The following ATRN variants were observed in gnomAD, a reference collection of about 807,000 sequenced individuals.
ATRN encodes attractin.
Under a neutral mutation model 178.7 loss-of-function variants are expected in ATRN, and 54 were observed. That is an observed-to-expected ratio of 0.30 (90% CI 0.24 to 0.38). The LOEUF is 0.38. ATRN is among the 10% of genes least tolerant of loss of function. The pLI, the probability that ATRN is intolerant of heterozygous loss-of-function variation, is 1.00. For synonymous variants in ATRN, 636 were observed against 663.0 expected (o/e 0.96, Z 0.63); for missense variants, 1,443 against 1,815.1 (o/e 0.79, Z 3.73).
chr20:3,539,766 C>CT (rs970931258), intron 2 of ATRN, among the ~76,000 whole-genome samples: 2 of 151,338 alleles, frequency 1.3e-5, no homozygotes, highest in African/African-American at 2.4e-5. Context: ...CCCCCTCCCA[C>CT]TTTTTTTTTC....
chr20:3,583,734 G>A (rs1453814412), intron 16 of ATRN, among the ~76,000 whole-genome samples, 164 bp from the exon 17 acceptor site: 2 of 152,132 alleles, frequency 1.3e-5, no homozygotes, highest in Non-Finnish European at 2.9e-5. Flanking sequence ...CTTGAACCGG[G>A]GAGGCGGAGG....
Position 3,582,137 on chromosome 20 carries a change from C to A in ATRN, c.2547C>A (p.Ser849=). The A allele has an allele frequency of 6.2e-7, 1 of 1,613,618 alleles. No homozygotes were observed. The highest frequency in any genetic ancestry group is 8.5e-7 in the Non-Finnish European group (1 of 1,179,622). ...LRIMQSSQSM[S]KLTLTPWVGL... ...AGTTGTGTCTCTTTTGCCTTTAGTC[C>A]AAGCTCACCTTAACCCCATGGGTCG... Residue 849 remains serine, a splice_region_variant and synonymous_variant, in exon 16 of 29, where the codon TCC becomes TCA. Coordinates refer to ENST00000262919, the MANE Select transcript of ATRN (RefSeq NM_139321.3).
At chr20:3,591,060 T>C in intron 18 of ATRN, 109 bp from the exon 19 acceptor site, 2 of 1,220,222 alleles carry the variant, frequency 1.6e-6, no homozygotes, top group Non-Finnish European at 2.2e-6. Context: ...GTTTTGGTGA[T>C]TTATCAAAGA....
At chr20:3,595,618 T>C (rs1360521059) in intron 20 of ATRN, among the ~76,000 whole-genome samples, 3 of 152,236 alleles carry the variant, frequency 2.0e-5, no homozygotes, top group East Asian at 3.8e-4. Flanking sequence ...TAATCACTCT[T>C]ACCCTCAGTT....
At position 3,645,838 on chromosome 20, in the gene ATRN, C is replaced by T. The variant is rs966400591; in HGVS notation, c.4166-885C>T. Among the ~76,000 whole-genome samples the T allele has an allele frequency of 3.3e-5, 5 of 151,950 alleles. No homozygotes were observed. The highest frequency in any genetic ancestry group is 4.8e-5 in the African/African-American group (2 of 41,342). On this transcript the variant is annotated intron_variant, in intron 28 of 28. Coordinates refer to ENST00000262919, the MANE Select transcript of ATRN (RefSeq NM_139321.3). The surrounding 1 kb of genome is among the most constrained non-coding windows in gnomAD (Gnocchi z 4.7). The stretch of plus-strand genomic sequence containing the variant: ...CTCCTGGCAGGTCTCAGCAGAGCTC[C>T]GAGCCTGCGCTGGCCATTTCCCACG...
chr20:3,549,108 C>A, intron 5 of ATRN, 62 bp from the exon 6 acceptor site: 2 of 1,354,102 alleles, frequency 1.5e-6, no homozygotes, highest in Non-Finnish European at 2.0e-6. Flanking sequence ...ATAATTAAAA[C>A]TTGAAATGCA....
intron 24 of ATRN, among the ~76,000 whole-genome samples, chr20:3,608,958 ACT>A (rs891151687): frequency 3.8e-5 from 5 of 133,262 alleles, no homozygotes; most frequent in African/African-American, 8.8e-5. Context: ...ACAAAGCGAG[ACT>A]CTGTCTCAAA....
intron 1 of ATRN, among the ~76,000 whole-genome samples, chr20:3,527,290 GAA>G (rs1218292353): frequency 1.3e-5 from 2 of 152,154 alleles, no homozygotes; most frequent in African/African-American, 4.8e-5. Flanking sequence ...CTTCTCAAAA[GAA>G]GACATTTATG....
chr20:3,543,495 G>A (rs752592456), intron 3 of ATRN, among the ~76,000 whole-genome samples: 13 of 152,122 alleles, frequency 8.5e-5, no homozygotes, highest in Non-Finnish European at 1.6e-4. Flanking sequence ...GCCGAGGTGG[G>A]CGGATTGCCT....
At chr20:3,616,816 A>T (rs1260155358) in intron 24 of ATRN, among the ~76,000 whole-genome samples, 1 of 152,096 alleles carries the variant, frequency 6.6e-6, no homozygotes, top group East Asian at 1.9e-4. Context: ...GTCCAGGTGG[A>T]ATTCTTGTGT....
intron 24 of ATRN, among the ~76,000 whole-genome samples, chr20:3,614,359 G>A (rs1406524525): frequency 8.5e-5 from 13 of 152,146 alleles, no homozygotes. Context: ...GTGGGAAGGT[G>A]GAGTGGTGAG....
chr20:3,574,207 A>G (rs754391095), intron 12 of ATRN, among the ~76,000 whole-genome samples: 1 of 138,720 alleles, frequency 7.2e-6, no homozygotes, highest in African/African-American at 3.4e-5. Flanking sequence ...TCACGAATAT[A>G]AATTCTCAGT....
chr20:3,478,383 A>C (rs2084560194), intron 1 of ATRN, among the ~76,000 whole-genome samples: 1 of 152,218 alleles, frequency 6.6e-6, no homozygotes, highest in Non-Finnish European at 1.5e-5. Context: ...TGCAGCCATA[A>C]AAAATGGTGA....
chr20:3,495,598 G>A (rs1408645234), intron 1 of ATRN, among the ~76,000 whole-genome samples: 1 of 152,028 alleles, frequency 6.6e-6, no homozygotes, highest in Non-Finnish European at 1.5e-5. Flanking sequence ...GAATTTTCAT[G>A]TGAATTTAAA....
At chr20:3,587,796 T>G (rs1426565401) in intron 18 of ATRN, among the ~76,000 whole-genome samples, 1 of 152,160 alleles carries the variant, frequency 6.6e-6, no homozygotes. Flanking sequence ...AGGTTTGCAT[T>G]GAATCTACTG....
intron 3 of ATRN, among the ~76,000 whole-genome samples, chr20:3,541,216 T>G (rs962120268): frequency 4.3e-4 from 66 of 151,782 alleles, no homozygotes; most frequent in Admixed American, 1.5e-3. Flanking sequence ...TAGCTGGGAC[T>G]ACAGGCGCCC....
In ATRN at chr20:3,648,932, A is replaced by G. The variant is rs569405891; in HGVS notation, c.*2085A>G. 3.3e-5 allele frequency: 5 copies of G among 152,348 alleles called. No homozygotes were observed. The highest frequency in any genetic ancestry group is 1.2e-4 in the African/African-American group (5 of 41,572). 9.4% of individuals were successfully genotyped at this position (152,348 alleles called of 1,614,324 possible). ...TCAAAGGACCAGTTTTCCTAGGCCA[A>G]AGAAGTCTCTTCCCCATGTTAGTCC... On this transcript the variant is annotated 3_prime_UTR_variant, in exon 29 of 29. Coordinates refer to ENST00000262919, the MANE Select transcript of ATRN (RefSeq NM_139321.3).
At chr20:3,549,011 G>A in intron 5 of ATRN, among the ~76,000 whole-genome samples, 159 bp from the exon 6 acceptor site, 1 of 152,116 alleles carries the variant, frequency 6.6e-6, no homozygotes, top group East Asian at 1.9e-4. Context: ...TCAATACCCT[G>A]AATAAATTAA....
At chr20:3,596,460 A>G in intron 21 of ATRN, 31 bp downstream of exon 21, 1 of 1,587,070 alleles carries the variant, frequency 6.3e-7, no homozygotes. Flanking sequence ...TATTTCTAGA[A>G]GCAAAGTAGT....
Sources: allele counts gnomAD v4.1 joint callset (sites outside exome capture counted in the v4.1 genomes callset), GRCh38; gene constraint gnomAD v4.1.1; non-coding constraint Gnocchi (gnomAD v3.1); transcripts MANE v1.5; gene names NCBI Gene and HGNC (gene_info 2026-07-23, HGNC 2026-07-21).